AUTS2: variants seen among roughly 807,000 people sequenced by gnomAD.
The protein encoded by AUTS2 is activator of transcription and developmental regulator AUTS2.
AUTS2 carries 17 observed loss-of-function variants against 112.4 expected under a neutral mutation model. That is an observed-to-expected ratio of 0.15 (90% CI 0.10 to 0.23). The LOEUF is 0.23. Ranked by LOEUF, AUTS2 falls within the 10% of genes least tolerant of loss-of-function variation. The pLI is 1.00. For missense variants in AUTS2, 1,510 were observed against 1,701.6 expected, an observed-to-expected ratio of 0.89 and a Z score of 1.98; for synonymous variants, 751 against 702.7, an observed-to-expected ratio of 1.07 and a Z score of -1.09.
intron 4 of AUTS2, among the ~76,000 whole-genome samples, chr7:70,194,409 AAAAT>A (rs1176415253): frequency 6.6e-6 from 1 of 152,188 alleles, no homozygotes; most frequent in African/African-American, 2.4e-5. Context: ...CCCTGTCTCA[AAAAT>A]AAATAAATAA....
Position 70,228,722 on chromosome 7 carries a change from C to T in AUTS2, c.660+94151C>T, listed in dbSNP as rs140953225. On this transcript the variant is annotated intron_variant, in intron 4 of 18. Transcript: ENST00000342771. ...GCAGTAGTATGCACAAACTTTGCTTCACTATAGATCCATGTCACCATCTTT... is the reference window on the plus strand; with the variant it reads ...GCAGTAGTATGCACAAACTTTGCTTTACTATAGATCCATGTCACCATCTTT... Among the ~76,000 whole-genome samples, 35 of 152,010 alleles carry T rather than the reference C, an allele frequency of 2.3e-4. No homozygotes were observed. In the East Asian group the frequency reaches 4.8e-3, roughly 21 times the overall value.
intron 4 of AUTS2, among the ~76,000 whole-genome samples, chr7:70,269,890 G>T (rs1787606506): frequency 6.6e-6 from 1 of 152,012 alleles, no homozygotes; most frequent in Admixed American, 6.6e-5. Flanking sequence ...AAACAGAATT[G>T]AGGCCAGGCA....
intron 2 of AUTS2, among the ~76,000 whole-genome samples, chr7:69,900,701 C>T (rs1794934015): frequency 6.6e-6 from 1 of 152,092 alleles, no homozygotes; most frequent in South Asian, 2.1e-4. Flanking sequence ...CAGAATTCTG[C>T]CTTATACGTA....
intron 2 of AUTS2, among the ~76,000 whole-genome samples, chr7:70,020,412 C>T (rs1001012733): frequency 3.3e-5 from 5 of 152,278 alleles, no homozygotes; most frequent in Admixed American, 1.3e-4. Context: ...TTGATGGACT[C>T]TGCAAGAGAG....
At chr7:70,042,042 G>T (rs1308990048) in intron 2 of AUTS2, among the ~76,000 whole-genome samples, 2 of 152,202 alleles carry the variant, frequency 1.3e-5, no homozygotes, top group East Asian at 3.9e-4. Flanking sequence ...TAAGTTGTTG[G>T]TGGAGTTGCT....
intron 2 of AUTS2, among the ~76,000 whole-genome samples, chr7:70,115,642 T>C (rs1805318604): frequency 6.6e-6 from 1 of 152,188 alleles, no homozygotes. Flanking sequence ...TGAGAATTAG[T>C]TTTTTCATCC....
chr7:70,673,693 T>G (rs1807763790), intron 5 of AUTS2, among the ~76,000 whole-genome samples: 1 of 152,144 alleles, frequency 6.6e-6, no homozygotes, highest in Non-Finnish European at 1.5e-5. Flanking sequence ...ACTCTTTTGA[T>G]CCTACCTGTT....
At chr7:69,970,442 C>T (rs865939800) in intron 2 of AUTS2, among the ~76,000 whole-genome samples, 20 of 152,090 alleles carry the variant, frequency 1.3e-4, no homozygotes, top group South Asian at 6.2e-4. Context: ...TTTCTTCTTC[C>T]TTAACCAAGG....
At chr7:70,336,267 A>T (rs1299946479) in intron 4 of AUTS2, among the ~76,000 whole-genome samples, 1 of 149,560 alleles carries the variant, frequency 6.7e-6, no homozygotes, top group Non-Finnish European at 1.5e-5. Context: ...AAAGTCACCA[A>T]CTTGTCCCAG....
chr7:69,876,239 C>T (rs1331864851), intron 1 of AUTS2, among the ~76,000 whole-genome samples: 4 of 140,794 alleles, frequency 2.8e-5, no homozygotes, highest in African/African-American at 2.7e-5. Flanking sequence ...TGGTGGCGTG[C>T]GCCTGTACCT....
chr7:69,804,059 T>C (rs557313435), intron 1 of AUTS2, among the ~76,000 whole-genome samples: 4 of 152,286 alleles, frequency 2.6e-5, no homozygotes, highest in South Asian at 4.2e-4. Context: ...CATTTTCCAT[T>C]GACACCATAC....
chr7:70,157,332 G>A (rs1415240715), intron 4 of AUTS2, among the ~76,000 whole-genome samples: 2 of 152,030 alleles, frequency 1.3e-5, no homozygotes, highest in Admixed American at 6.6e-5. Context: ...AGGCTGGAAT[G>A]CAGTGGTGTA....
chr7:69,636,250 A>G (rs1794512207), intron 1 of AUTS2, among the ~76,000 whole-genome samples: 1 of 152,266 alleles, frequency 6.6e-6, no homozygotes, highest in South Asian at 2.1e-4. Context: ...TTTCTTCTTA[A>G]GACGGAGTCT....
At chr7:69,764,591 G>A (rs1396078418) in intron 1 of AUTS2, among the ~76,000 whole-genome samples, 1 of 151,926 alleles carries the variant, frequency 6.6e-6, no homozygotes, top group Admixed American at 6.6e-5. Flanking sequence ...GTATGGGGAG[G>A]GACATATACA....
chr7:70,657,923 G>A (rs368198320), intron 5 of AUTS2, among the ~76,000 whole-genome samples: 25 of 152,122 alleles, frequency 1.6e-4, no homozygotes, highest in African/African-American at 5.1e-4. Flanking sequence ...CAAGTGACTC[G>A]TTTCCCAATC....
At chr7:70,635,707 A>AG (rs1247520989) in intron 5 of AUTS2, among the ~76,000 whole-genome samples, 10 of 152,322 alleles carry the variant, frequency 6.6e-5, no homozygotes, top group Admixed American at 5.9e-4. Context: ...ATCTTCTAGA[A>AG]GGGGTGATTT....
chr7:69,606,172 A>G (rs1461067431), intron 1 of AUTS2, among the ~76,000 whole-genome samples: 1 of 152,224 alleles, frequency 6.6e-6, no homozygotes, highest in African/African-American at 2.4e-5. Flanking sequence ...GGTTAAGAAA[A>G]CAGAACAGTA....
At chr7:69,774,773 T>G (rs545807461) in intron 1 of AUTS2, among the ~76,000 whole-genome samples, 18 of 152,318 alleles carry the variant, frequency 1.2e-4, no homozygotes, top group South Asian at 4.1e-4. Flanking sequence ...TAAAGTTGAT[T>G]TACAAATCAG....
intron 5 of AUTS2, chr7:70,437,800 A>G (rs1180579956): frequency 6.7e-6 from 1 of 148,262 alleles, no homozygotes; most frequent in African/African-American, 2.5e-5. Context: ...AGATCGCACC[A>G]CTGTACTCCA....
Sources: allele counts gnomAD v4.1 joint callset (sites outside exome capture counted in the v4.1 genomes callset), GRCh38; gene constraint gnomAD v4.1.1; transcripts MANE v1.5; gene names NCBI Gene and HGNC (gene_info 2026-07-23, HGNC 2026-07-21).